Variants in KIAA1328 observed in about 807,000 individuals in gnomAD.
The protein encoded by KIAA1328 is protein hinderin.
KIAA1328 carries 52 observed loss-of-function variants against 68.1 expected under a neutral mutation model. That is an observed-to-expected ratio of 0.76 (90% CI 0.61 to 0.96). KIAA1328 has a LOEUF of 0.96. Among genes scored for constraint, KIAA1328 ranks in the 40% least tolerant of loss-of-function variants. The pLI is 0.00. For synonymous variants in KIAA1328, 232 were observed against 239.4 expected (o/e 0.97, Z 0.28); for missense variants, 641 against 677.6 (o/e 0.95, Z 0.60).
At chr18:36,947,056 C>T (rs564683566) in intron 5 of KIAA1328, among the ~76,000 whole-genome samples, 90 of 152,136 alleles carry the variant, frequency 5.9e-4, no homozygotes, top group African/African-American at 2.1e-3. Flanking sequence ...CCCAGCTACT[C>T]GGGAGGCTGA....
intron 8 of KIAA1328, among the ~76,000 whole-genome samples, chr18:37,166,858 T>A (rs1348792684): frequency 6.6e-6 from 1 of 152,010 alleles, no homozygotes; most frequent in African/African-American, 2.4e-5. Flanking sequence ...CATCAAAAAG[T>A]CAGATGATCT....
At chr18:36,830,737 T>C (rs2046455331) in intron 1 of KIAA1328, among the ~76,000 whole-genome samples, 2 of 152,344 alleles carry the variant, frequency 1.3e-5, no homozygotes, top group Middle Eastern at 3.4e-3. Context: ...CTCCGTTATC[T>C]CTTGTATTCT....
chr18:37,043,208 A>C (rs1445723400), intron 6 of KIAA1328, among the ~76,000 whole-genome samples: 5 of 152,104 alleles, frequency 3.3e-5, no homozygotes, highest in African/African-American at 1.2e-4. Flanking sequence ...AGCTGCTTTG[A>C]AGTTTTTCTT....
chr18:36,834,277 C>T, intron 1 of KIAA1328, 43 bp from the exon 2 acceptor site: 2 of 1,486,654 alleles, frequency 1.3e-6, no homozygotes, highest in Non-Finnish European at 9.0e-7. Flanking sequence ...CATTTGGATG[C>T]CGGATAATAT....
chr18:37,067,491 C>G lies in KIAA1328; in HGVS notation c.1178C>G (p.Thr393Arg). 6.5e-7 allele frequency: 1 copy of G among 1,547,050 alleles called. No individual in the cohort carries two copies. Among genetic ancestry groups the G allele is most frequent in the Non-Finnish European group, 8.7e-7 (1 of 1,148,508 alleles). The change falls in exon 7 of 10, where the codon ACA (threonine) becomes AGA (arginine). Residue 393 changes from threonine to arginine, a missense_variant. Coordinates refer to ENST00000280020, the MANE Select transcript of KIAA1328 (RefSeq NM_020776.3). ...RLQHLLAQQE[T>R]KLLLKQQQLH... ...CAGCATCTGCTGGCCCAGCAGGAGA[C>G]AAAGCTTCTTCTAAAACAGCAGCAG...
chr18:36,875,575 A>G (rs1027996006), intron 4 of KIAA1328, among the ~76,000 whole-genome samples: 2 of 152,144 alleles, frequency 1.3e-5, no homozygotes, highest in African/African-American at 2.4e-5. Flanking sequence ...GGCTGAGACA[A>G]TGGGGGTTTA....
At chr18:36,885,382 A>G (rs894519456) in intron 4 of KIAA1328, among the ~76,000 whole-genome samples, 175 bp from the exon 5 acceptor site, 3 of 152,178 alleles carry the variant, frequency 2.0e-5, no homozygotes, top group Non-Finnish European at 4.4e-5. Flanking sequence ...CAGAGGTGAA[A>G]AAGATTGCCT....
intron 3 of KIAA1328, among the ~76,000 whole-genome samples, chr18:36,841,960 G>T (rs535433020): frequency 1.3e-4 from 20 of 149,822 alleles, no homozygotes; most frequent in South Asian, 6.4e-4. Flanking sequence ...CCAATGTTAC[G>T]TGAGATTTCT....
chr18:36,858,394 T>C (rs2047449306), intron 4 of KIAA1328, among the ~76,000 whole-genome samples: 1 of 152,164 alleles, frequency 6.6e-6, no homozygotes, highest in Non-Finnish European at 1.5e-5. Context: ...ATTTTAGACT[T>C]ACAGATGAGT....
chr18:37,039,474 G>A (rs528410691), intron 6 of KIAA1328, among the ~76,000 whole-genome samples: 64 of 151,512 alleles, frequency 4.2e-4, no homozygotes, highest in African/African-American at 1.2e-3. Context: ...GTGCAGTGGC[G>A]CAATCTCGGC....
intron 7 of KIAA1328, among the ~76,000 whole-genome samples, chr18:37,074,423 G>A (rs1418550718): frequency 6.6e-6 from 1 of 152,136 alleles, no homozygotes; most frequent in Non-Finnish European, 1.5e-5. Context: ...GTCACTTTCA[G>A]GTACACCAAT....
intron 7 of KIAA1328, among the ~76,000 whole-genome samples, chr18:37,107,097 C>T (rs1478409365): frequency 6.6e-6 from 1 of 152,080 alleles, no homozygotes; most frequent in East Asian, 1.9e-4. Context: ...TACAAAAATA[C>T]CAGGCATGGT....
intron 7 of KIAA1328, among the ~76,000 whole-genome samples, chr18:37,100,743 C>T (rs1344857171): frequency 3.9e-5 from 6 of 152,310 alleles, no homozygotes; most frequent in East Asian, 3.9e-4. Flanking sequence ...CCCTGACCCC[C>T]GAGTAGCCTA....
At chr18:37,218,105 A>C (rs538828682) in intron 9 of KIAA1328, among the ~76,000 whole-genome samples, 83 of 152,390 alleles carry the variant, frequency 5.4e-4, no homozygotes, top group African/African-American at 2.0e-3. Context: ...AAAACATGCA[A>C]GAATCAAAAG....
intron 4 of KIAA1328, among the ~76,000 whole-genome samples, chr18:36,881,266 A>T (rs1454154402): frequency 1.3e-5 from 2 of 151,494 alleles, no homozygotes; most frequent in Non-Finnish European, 2.9e-5. Context: ...TCGAGTTTTT[A>T]AAACAGTGTG....
intron 9 of KIAA1328, among the ~76,000 whole-genome samples, chr18:37,220,425 T>TG (rs2060535871): frequency 6.6e-6 from 1 of 152,238 alleles, no homozygotes; most frequent in Non-Finnish European, 1.5e-5. Context: ...ATGAGAATAG[T>TG]GGGTTTTTTC....
intron 7 of KIAA1328, among the ~76,000 whole-genome samples, chr18:37,098,664 TG>T (rs1470158768): frequency 6.6e-6 from 1 of 152,202 alleles, no homozygotes; most frequent in Non-Finnish European, 1.5e-5. Flanking sequence ...AGTTCCTCCT[TG>T]TACCTCTGGT....
chr18:36,848,302 G>A (rs1343142819), intron 4 of KIAA1328, among the ~76,000 whole-genome samples: 1 of 151,144 alleles, frequency 6.6e-6, no homozygotes, highest in Non-Finnish European at 1.5e-5. Context: ...AGTTTTTTAT[G>A]GCTTTTATAC....
At chr18:37,214,387 C>T (rs2060382428) in intron 9 of KIAA1328, among the ~76,000 whole-genome samples, 2 of 152,180 alleles carry the variant, frequency 1.3e-5, no homozygotes, top group Non-Finnish European at 1.5e-5. Flanking sequence ...GTTTTCCCAG[C>T]ACCATTTATT....
Sources: allele counts gnomAD v4.1 joint callset (sites outside exome capture counted in the v4.1 genomes callset), GRCh38; gene constraint gnomAD v4.1.1; transcripts MANE v1.5; gene names NCBI Gene and HGNC (gene_info 2026-07-23, HGNC 2026-07-21).